Variants in ZNF225 observed in about 807,000 individuals in gnomAD.
ZNF225 encodes zinc finger protein 225.
In ZNF225, 6 loss-of-function variants were observed where a neutral mutation model predicts 12.0. The ratio of observed to expected loss-of-function variants is 0.50; its 90% CI spans 0.27 to 0.98. The LOEUF (loss-of-function observed/expected upper bound fraction) is 0.98. Among genes scored for constraint, ZNF225 ranks in the 50% least tolerant of loss-of-function variants. ZNF225 has a pLI of 0.11. For missense variants in ZNF225, 763 were observed against 848.2 expected (o/e 0.90, Z 1.25); for synonymous variants, 271 against 283.2 (o/e 0.96, Z 0.43).
chr19:44,127,212 C>G (rs1968166068), intron 4 of ZNF225, among the ~76,000 whole-genome samples: 1 of 152,222 alleles, frequency 6.6e-6, no homozygotes, highest in African/African-American at 2.4e-5. Flanking sequence ...GTCCCAAGGC[C>G]TTTCTGTTGC....
chr19:44,127,799 C>T (rs1287988509), intron 4 of ZNF225, among the ~76,000 whole-genome samples: 2 of 152,020 alleles, frequency 1.3e-5, no homozygotes. Flanking sequence ...CCACCATGCC[C>T]AGCTAATTTT....
intron 4 of ZNF225, among the ~76,000 whole-genome samples, chr19:44,125,469 C>A (rs1250591333): frequency 6.6e-6 from 1 of 152,192 alleles, no homozygotes; most frequent in Non-Finnish European, 1.5e-5. Context: ...TCTTAAGATT[C>A]TTTCCTTCGT....
At position 44,131,009 on chromosome 19, in the gene ZNF225, G is replaced by A. The variant is rs1968240943; in HGVS notation, c.395G>A (p.Cys132Tyr). 2 of 1,614,048 alleles carry A rather than the reference G, an allele frequency of 1.2e-6. No homozygotes were observed. Among genetic ancestry groups the A allele is most frequent in the East Asian group, 2.2e-5 (1 of 44,864 alleles). Residue 132 changes from cysteine to tyrosine, a missense_variant, in exon 5 of 5, where the codon TGC becomes TAC. Transcript: ENST00000262894. ...FQFSKQDDMP[C>Y]QVDAGLSIIH... is the part of the protein sequence containing the mutation. Reference sequence around the variant, plus strand: ...TTCTCCAAACAAGATGATATGCCCTGCCAGGTTGATGCAGGACTATCTATA... The same window carrying A: ...TTCTCCAAACAAGATGATATGCCCTACCAGGTTGATGCAGGACTATCTATA...
At chr19:44,111,754 A>G (rs1388852899), upstream of ZNF225, among the ~76,000 whole-genome samples, 1 of 152,220 alleles carries the variant, frequency 6.6e-6, no homozygotes, top group Non-Finnish European at 1.5e-5. Flanking sequence ...AGAAAGATTC[A>G]TGTTTCCCCA....
chr19:44,114,073 C>T (rs1157482193), intron 1 of ZNF225: 1 of 433,728 alleles, frequency 2.3e-6, no homozygotes, highest in African/African-American at 2.1e-5. Flanking sequence ...CATCCACTTC[C>T]AGGAGGGGAG....
chr19:44,115,704 G>C, intron 1 of ZNF225, 56 bp from the exon 2 acceptor site: 1 of 840,864 alleles, frequency 1.2e-6, no homozygotes, highest in Non-Finnish European at 1.8e-6. Context: ...GTTGGTGGAT[G>C]GCATCCCTGG....
Position 44,130,902 on chromosome 19 carries a change from A to AG in ZNF225, c.290dup (p.Phe99ValfsTer12), listed in dbSNP as rs1477327766. On this transcript the variant is annotated frameshift_variant, in exon 5 of 5. Coordinates refer to ENST00000262894, the MANE Select transcript of ZNF225 (RefSeq NM_013362.4). LOFTEE classifies it low-confidence loss of function (END_TRUNC). ...CTGTTTCAGAATCAGGAACACATGA[A>AG]GGCTTGTTCAGTCATCAAACCTGGG... is the stretch of plus-strand genomic sequence containing the variant. The AG allele has an allele frequency of 6.2e-7, 1 of 1,614,018 alleles. No individual in the cohort carries two copies. Among genetic ancestry groups the AG allele is most frequent in the Admixed American group, 1.7e-5 (1 of 60,012 alleles).
At chr19:44,118,401 A>G in intron 3 of ZNF225, 81 bp from the exon 4 acceptor site, 1 of 1,611,128 alleles carries the variant, frequency 6.2e-7, no homozygotes, top group South Asian at 1.1e-5. Context: ...ATGCATTGGG[A>G]ACCTAAGTTT....
At position 44,133,064 on chromosome 19, in the gene ZNF225, T is replaced by C. The variant is rs891664452; in HGVS notation, c.*329T>C. Reference sequence around the variant, plus strand: ...TTCTATGAAGTTAACTTTTTGAGCTTCCACATATGTGTGAGAACATGTGGT... The same window carrying C: ...TTCTATGAAGTTAACTTTTTGAGCTCCCACATATGTGTGAGAACATGTGGT... On this transcript the variant is annotated 3_prime_UTR_variant, in exon 5 of 5. Coordinates refer to ENST00000262894, the MANE Select transcript of ZNF225 (RefSeq NM_013362.4). 1 of 192,872 alleles carries C rather than the reference T, an allele frequency of 5.2e-6. No individual in the cohort carries two copies. Among genetic ancestry groups the C allele is most frequent in the African/African-American group, 2.4e-5 (1 of 42,282 alleles). The allele number at this position is 192,872 out of a possible 1,614,324, so 11.9% of individuals were successfully genotyped here.
chr19:44,131,393 A>C lies in ZNF225; in HGVS notation c.779A>C (p.His260Pro). 1 of 1,614,242 alleles carries C rather than the reference A, an allele frequency of 6.2e-7. No homozygotes were observed. The highest frequency in any genetic ancestry group is 8.5e-7 in the Non-Finnish European group (1 of 1,180,034). Residue 260 changes from histidine to proline, a missense_variant, in exon 5 of 5, where the codon CAT (histidine) becomes CCT (proline). Coordinates refer to ENST00000262894, the MANE Select transcript of ZNF225 (RefSeq NM_013362.4). ...HRKLHTGVKP[H>P]ICEKCGKAFI... is the part of the protein sequence containing the mutation. ...AAATTACACACAGGAGTGAAACCTC[A>C]TATTTGTGAGAAATGTGGGAAGGCC...
upstream of ZNF225, chr19:44,112,882 A>G (rs1418217007): frequency 6.6e-6 from 1 of 152,242 alleles, no homozygotes; most frequent in Non-Finnish European, 1.5e-5. Flanking sequence ...TCCCTTTCCA[A>G]TAACACTCCT....
rs1967991392 is a variant in ZNF225 at position 44,118,583 on chromosome 19, C to CT, written c.235+9_235+10insT. 1.9e-6 allele frequency: 3 copies of CT among 1,608,940 alleles called. No homozygotes were observed. Among genetic ancestry groups the CT allele is most frequent in the Non-Finnish European group, 2.5e-6 (3 of 1,176,586 alleles). ...AAGAGAAGGGAATTTAGGTAAGAAG[C>CT]AAGCAACTCTGTGTCCTTGTGCGTG... On this transcript the variant is annotated intron_variant, in intron 4 of 4. Coordinates refer to ENST00000262894, the MANE Select transcript of ZNF225 (RefSeq NM_013362.4).
intron 4 of ZNF225, among the ~76,000 whole-genome samples, chr19:44,124,438 G>A (rs1968109249): frequency 6.6e-6 from 1 of 152,130 alleles, no homozygotes; most frequent in Non-Finnish European, 1.5e-5. Context: ...CCTATCATAT[G>A]GTCTCTCTTG....
At chr19:44,115,709 C>A in intron 1 of ZNF225, 51 bp from the exon 2 acceptor site, 1 of 935,074 alleles carries the variant, frequency 1.1e-6, no homozygotes, top group Non-Finnish European at 1.6e-6. Flanking sequence ...TGGATGGCAT[C>A]CCTGGCCACA....
intron 4 of ZNF225, chr19:44,128,754 G>A (rs1968193810): frequency 9.6e-6 from 3 of 310,960 alleles, no homozygotes; most frequent in African/African-American, 4.3e-5. Context: ...TGTTTGTCAC[G>A]ATGCTATGAT....
Position 44,134,549 on chromosome 19 carries a change from G to T in ZNF225, c.*1814G>T, listed in dbSNP as rs952600234. 3 of 152,116 alleles carry T rather than the reference G, an allele frequency of 2.0e-5. No homozygotes were observed. Among genetic ancestry groups the T allele is most frequent in the African/African-American group, 7.2e-5 (3 of 41,426 alleles). The allele number at this position is 152,116 out of a possible 1,614,324, so 9.4% of individuals were successfully genotyped here. On this transcript the variant is annotated 3_prime_UTR_variant, in exon 5 of 5. Coordinates refer to ENST00000262894, the MANE Select transcript of ZNF225 (RefSeq NM_013362.4). ...GTTGGCTCAGTCTTCTTTTTGTTTTGTGTGTTTTGGTTTTTAACTGTCACC... is the reference window on the plus strand; with the variant it reads ...GTTGGCTCAGTCTTCTTTTTGTTTTTTGTGTTTTGGTTTTTAACTGTCACC...
Position 44,131,083 on chromosome 19 carries a change from T to G in ZNF225, c.469T>G (p.Phe157Val). The change falls in exon 5 of 5, where the codon TTT becomes GTT. Residue 157 changes from phenylalanine (F) to valine (V), a missense_variant. Transcript: ENST00000262894. Reference protein sequence around the residue: ...PSEGRTCKKSFSDVSVLDLHQ... With the variant: ...PSEGRTCKKSVSDVSVLDLHQ... ...TGAGGGTAGGACGTGTAAAAAGTCC[T>G]TTAGTGATGTCTCCGTCCTTGATCT... is the stretch of plus-strand genomic sequence containing the variant. 1.2e-6 allele frequency: 2 copies of G among 1,614,144 alleles called. No individual in the cohort carries two copies. Among genetic ancestry groups the G allele is most frequent in the Non-Finnish European group, 1.7e-6 (2 of 1,179,962 alleles).
chr19:44,127,126 C>G (rs1466172768), intron 4 of ZNF225, among the ~76,000 whole-genome samples: 3 of 152,252 alleles, frequency 2.0e-5, no homozygotes, highest in Non-Finnish European at 4.4e-5. Flanking sequence ...GTTCCCCACC[C>G]CCTGCTCCTC....
Position 44,132,792 on chromosome 19 carries a change from A to G in ZNF225, c.*57A>G. ...TAGTTAATGCAAGTATACAATGTGT[A>G]ATGATCAAATCAGTGTAATTAACAT... is the stretch of plus-strand genomic sequence containing the variant. On this transcript the variant is annotated 3_prime_UTR_variant, in exon 5 of 5. Transcript: ENST00000262894. 1.5e-6 allele frequency: 2 copies of G among 1,364,000 alleles called. No individual in the cohort carries two copies. The highest frequency in any genetic ancestry group is 2.0e-6 in the Non-Finnish European group (2 of 1,016,516). The allele number at this position is 1,364,000 out of a possible 1,614,324, so 84.5% of individuals were successfully genotyped here.
Sources: gnomAD v4.1 joint callset for allele counts (sites outside exome capture counted in the v4.1 genomes callset) on GRCh38, gnomAD v4.1.1 for gene constraint, MANE v1.5 for transcripts, NCBI Gene and HGNC (gene_info 2026-07-23, HGNC 2026-07-21) for gene names.